The following DIAPH2 variants were observed in gnomAD, a reference collection of about 807,000 sequenced individuals.
The protein encoded by DIAPH2 is diaphanous related formin 2, also known as protein diaphanous homolog 2.
A neutral mutation model predicts 92.7 loss-of-function variants in DIAPH2; 35 were observed. The ratio of observed to expected loss-of-function variants is 0.38; its 90% CI spans 0.29 to 0.50. The LOEUF is 0.50. Ranked by LOEUF, DIAPH2 falls within the 20% of genes least tolerant of loss-of-function variation. The pLI, the probability that DIAPH2 is intolerant of heterozygous loss-of-function variation, is 0.94. For missense variants in DIAPH2, 701 were observed against 819.5 expected, an observed-to-expected ratio of 0.86 and a Z score of 1.77; for synonymous variants, 301 against 280.4, an observed-to-expected ratio of 1.07 and a Z score of -0.73.
intron 20 of DIAPH2, among the ~76,000 whole-genome samples, chrX:97,109,188 G>A (rs1230759364): frequency 9.0e-6 from 1 of 111,373 alleles, no homozygotes; most frequent in Non-Finnish European, 1.9e-5. Context: ...GAAGGCCCAG[G>A]TGGGCAGATC....
At chrX:97,521,718 A>G (rs1052993339) in intron 26 of DIAPH2, among the ~76,000 whole-genome samples, 3 of 111,530 alleles carry the variant, frequency 2.7e-5, no homozygotes, top group African/African-American at 9.8e-5. Flanking sequence ...TGCCTTAGCC[A>G]CAATTGTAAG....
intron 17 of DIAPH2, among the ~76,000 whole-genome samples, chrX:97,061,644 T>TAA (rs765838069): frequency 6.1e-5 from 6 of 98,744 alleles, no homozygotes; most frequent in African/African-American, 2.2e-4. Flanking sequence ...CCATCTCTAC[T>TAA]AAAAAAAAAA....
intron 26 of DIAPH2, among the ~76,000 whole-genome samples, chrX:97,532,363 G>A (rs1411700350): frequency 8.9e-6 from 1 of 112,693 alleles, no homozygotes; most frequent in African/African-American, 3.2e-5. Flanking sequence ...GAATGCAGAG[G>A]CAGTTTGGTG....
intron 14 of DIAPH2, 28 bp downstream of exon 14, chrX:96,945,619 C>T (rs370436465): frequency 1.9e-5 from 19 of 1,019,302 alleles, no homozygotes; most frequent in African/African-American, 8.0e-5. Flanking sequence ...TAGCCATAAT[C>T]GTTAGGTTAA....
At chrX:96,698,113 T>C (rs754022851) in intron 1 of DIAPH2, among the ~76,000 whole-genome samples, 3 of 111,915 alleles carry the variant, frequency 2.7e-5, no homozygotes, top group Non-Finnish European at 5.6e-5. Flanking sequence ...TGTACTTTAC[T>C]ACTGTTGCAT....
intron 1 of DIAPH2, among the ~76,000 whole-genome samples, chrX:96,697,526 A>G (rs1489409499): frequency 9.1e-6 from 1 of 110,146 alleles, no homozygotes; most frequent in Non-Finnish European, 1.9e-5. Context: ...TGTACCTGTA[A>G]TCCCAGCTAC....
intron 25 of DIAPH2, among the ~76,000 whole-genome samples, chrX:97,411,606 G>A (rs1369041967): frequency 8.9e-6 from 1 of 111,908 alleles, no homozygotes; most frequent in Non-Finnish European, 1.9e-5. Flanking sequence ...ACACAGACTG[G>A]CAAGTTGAAT....
chrX:97,115,104 C>A, intron 21 of DIAPH2, 139 bp downstream of exon 21: 1 of 516,627 alleles, frequency 1.9e-6, no homozygotes, highest in Non-Finnish European at 2.9e-6. Flanking sequence ...CGAATTATAT[C>A]TCAATTCAAA....
chrX:97,587,770 A>G (rs758388126), intron 26 of DIAPH2, among the ~76,000 whole-genome samples: 14 of 112,122 alleles, frequency 1.2e-4, no homozygotes, highest in African/African-American at 4.5e-4. Flanking sequence ...CACAATATCT[A>G]ATATTTAAAA....
intron 22 of DIAPH2, among the ~76,000 whole-genome samples, chrX:97,149,025 T>C (rs991908299): frequency 9.0e-5 from 10 of 111,425 alleles, no homozygotes; most frequent in Non-Finnish European, 1.1e-4. Context: ...ACTGTCTCAA[T>C]GTGAAATGTA....
At chrX:97,353,105 C>T (rs1471563241) in intron 24 of DIAPH2, among the ~76,000 whole-genome samples, 1 of 109,888 alleles carries the variant, frequency 9.1e-6, no homozygotes, top group Non-Finnish European at 1.9e-5. Flanking sequence ...ACTGTGCAAT[C>T]CATGCATGTA....
chrX:97,275,726 C>T (rs1602471183), intron 23 of DIAPH2, among the ~76,000 whole-genome samples: 2 of 107,327 alleles, frequency 1.9e-5, no homozygotes, highest in Admixed American at 1.0e-4. Context: ...GATGGGCGGC[C>T]GGGCAGAGAC....
intron 1 of DIAPH2, among the ~76,000 whole-genome samples, chrX:96,710,243 A>G (rs1355529369): frequency 8.9e-6 from 1 of 111,817 alleles, no homozygotes; most frequent in African/African-American, 3.2e-5. Context: ...AGTTCTTTTC[A>G]AATGCAGATA....
intron 1 of DIAPH2, among the ~76,000 whole-genome samples, chrX:96,720,779 A>G (rs2063984215): frequency 8.9e-6 from 1 of 111,824 alleles, no homozygotes; most frequent in African/African-American, 3.2e-5. Context: ...AGAGCTTGCA[A>G]CAAACCACTC....
chrX:96,742,280 C>A (rs774480419), intron 3 of DIAPH2, among the ~76,000 whole-genome samples: 11 of 111,876 alleles, frequency 9.8e-5, no homozygotes, highest in Admixed American at 4.8e-4. Context: ...ATTTCTTACC[C>A]ACCTCCACTG....
intron 17 of DIAPH2, among the ~76,000 whole-genome samples, chrX:96,990,033 A>G (rs886374868): frequency 1.8e-5 from 2 of 112,291 alleles, no homozygotes; most frequent in Non-Finnish European, 3.8e-5. Flanking sequence ...GAAGTTACTT[A>G]CATTTCTACA....
At chrX:97,465,240 A>G (rs1211136241) in intron 26 of DIAPH2, among the ~76,000 whole-genome samples, 1 of 110,264 alleles carries the variant, frequency 9.1e-6, no homozygotes, top group Admixed American at 9.7e-5. Context: ...CTAATTTGTA[A>G]AATGAACTAT....
intron 26 of DIAPH2, among the ~76,000 whole-genome samples, chrX:97,590,618 T>C (rs2071510823): frequency 8.9e-6 from 1 of 112,249 alleles, no homozygotes; most frequent in Non-Finnish European, 1.9e-5. Flanking sequence ...GTGATAGTAA[T>C]GAATTGACCT....
chrX:97,575,059 G>C (rs748979808), intron 26 of DIAPH2, among the ~76,000 whole-genome samples: 2 of 112,440 alleles, frequency 1.8e-5, no homozygotes, highest in African/African-American at 3.2e-5. Flanking sequence ...AAAAAGGGAA[G>C]GATTCTCGGA....
Sources: gnomAD v4.1 joint callset for allele counts (sites outside exome capture counted in the v4.1 genomes callset) on GRCh38, gnomAD v4.1.1 for gene constraint, MANE v1.5 for transcripts, NCBI Gene and HGNC (gene_info 2026-07-23, HGNC 2026-07-21) for gene names.